The following TPD52L1 variants were observed in gnomAD, a reference collection of about 807,000 sequenced individuals.
TPD52L1 encodes the protein tumor protein D53.
In TPD52L1, 18 loss-of-function variants were observed where a neutral mutation model predicts 28.7. That is an observed-to-expected ratio of 0.63 (90% CI 0.43 to 0.93). TPD52L1 has a LOEUF of 0.93. TPD52L1 is among the 40% of genes least tolerant of loss of function. The pLI is 0.00. For synonymous variants in TPD52L1, 75 were observed against 88.8 expected (o/e 0.84, Z 0.88); for missense variants, 203 against 254.8 (o/e 0.80, Z 1.39).
intron 2 of TPD52L1, among the ~76,000 whole-genome samples, chr6:125,220,853 C>T (rs552363723): frequency 2.0e-3 from 305 of 152,284 alleles, no homozygotes; most frequent in Non-Finnish European, 3.3e-3. Flanking sequence ...TGCTGACAAG[C>T]CTTTACTTTC....
At chr6:125,187,673 T>C (rs1289030827) in intron 1 of TPD52L1, among the ~76,000 whole-genome samples, 1 of 152,186 alleles carries the variant, frequency 6.6e-6, no homozygotes, top group Non-Finnish European at 1.5e-5. Context: ...GTTTATAGAA[T>C]ATGAAATCAT....
intron 3 of TPD52L1, among the ~76,000 whole-genome samples, chr6:125,241,326 C>A (rs1052289840): frequency 3.3e-5 from 5 of 151,996 alleles, no homozygotes; most frequent in Non-Finnish European, 7.4e-5. Flanking sequence ...TTTGGTGATA[C>A]CAGCTTCATA....
At chr6:125,248,855 T>C (rs1046529855) in intron 4 of TPD52L1, among the ~76,000 whole-genome samples, 2 of 152,204 alleles carry the variant, frequency 1.3e-5, no homozygotes, top group Admixed American at 1.3e-4. Context: ...TATACACTTC[T>C]GGTAGTTTTC....
chr6:125,201,891 AGGATTTTTTTCCTG>A (rs1294565905), intron 1 of TPD52L1, among the ~76,000 whole-genome samples: 3 of 152,226 alleles, frequency 2.0e-5, no homozygotes, highest in African/African-American at 7.2e-5. Context: ...AGAAGGAAAA[AGGATTTTTTTCCTG>A]GGCATTGTCA....
intron 6 of TPD52L1, among the ~76,000 whole-genome samples, chr6:125,259,639 T>G (rs553767952): frequency 6.6e-6 from 1 of 152,202 alleles, no homozygotes; most frequent in Non-Finnish European, 1.5e-5. Context: ...TTTGCATCCA[T>G]GTCAAGCAGA....
intron 3 of TPD52L1, among the ~76,000 whole-genome samples, chr6:125,240,561 T>A (rs775689814): frequency 9.2e-5 from 14 of 152,150 alleles, no homozygotes; most frequent in Non-Finnish European, 2.1e-4. Context: ...TATTCCTAAG[T>A]ATTTTATTTT....
intron 6 of TPD52L1, chr6:125,262,618 G>A (rs1798124536): frequency 5.7e-6 from 3 of 527,616 alleles, no homozygotes; most frequent in Non-Finnish European, 9.7e-6. Context: ...TGCTAAAAGT[G>A]TGCAAAATTA....
intron 1 of TPD52L1, among the ~76,000 whole-genome samples, chr6:125,192,954 A>G (rs879424557): frequency 1.3e-5 from 2 of 152,248 alleles, no homozygotes; most frequent in Non-Finnish European, 2.9e-5. Flanking sequence ...GATAATAATC[A>G]TTGCTAACAT....
intron 3 of TPD52L1, among the ~76,000 whole-genome samples, chr6:125,236,912 C>T (rs75464970): frequency 0.015 from 2,290 of 152,282 alleles, 69 homozygotes; most frequent in African/African-American, 0.052. Context: ...CTTTTACAGT[C>T]TTCTCAAGGG....
intron 1 of TPD52L1, chr6:125,154,270 C>T: frequency 1.7e-6 from 2 of 1,207,298 alleles, no homozygotes; most frequent in Non-Finnish European, 2.1e-6. Context: ...TTCCCAACCT[C>T]GCGGCTGCCC....
At chr6:125,247,189 A>G (rs1045116758) in intron 3 of TPD52L1, among the ~76,000 whole-genome samples, 1 of 152,144 alleles carries the variant, frequency 6.6e-6, no homozygotes, top group African/African-American at 2.4e-5. Flanking sequence ...TACAGATACC[A>G]TATGCATGCA....
chr6:125,216,529 GTATATATATATATATATA>G (rs56135453), intron 1 of TPD52L1, among the ~76,000 whole-genome samples: 10 of 69,066 alleles, frequency 1.4e-4, no homozygotes, highest in Non-Finnish European at 2.2e-4. Context: ...GTATGTGTGT[GTATATATATATATATATA>G]TATATATATA....
At chr6:125,257,292 T>G (rs765183749) in intron 6 of TPD52L1, 134 bp downstream of exon 6, 7 of 626,106 alleles carry the variant, frequency 1.1e-5, no homozygotes, top group Non-Finnish European at 1.9e-5. Context: ...CTTTCACATA[T>G]AAATCTATGA....
At position 125,248,265 on chromosome 6, in the gene TPD52L1, TTC is replaced by T; in HGVS notation, c.285-15_285-14del. The stretch of plus-strand genomic sequence containing the variant: ...AGATCATGATATAAAAACCATGTTG[TTC>T]TGTTTTATTTCTAGCTACAAGAAAA... On this transcript the variant is annotated splice_polypyrimidine_tract_variant and intron_variant, in intron 3 of 6. Transcript: ENST00000534000. 6.3e-7 allele frequency: 1 copy of T among 1,597,802 alleles called. No homozygotes were observed.
intron 1 of TPD52L1, among the ~76,000 whole-genome samples, chr6:125,165,877 A>G (rs1041766039): frequency 2.0e-5 from 3 of 152,152 alleles, no homozygotes; most frequent in African/African-American, 7.2e-5. Flanking sequence ...CAGTTCAAAT[A>G]TGGAATGGTT....
chr6:125,179,668 G>A (rs754978150), intron 1 of TPD52L1, among the ~76,000 whole-genome samples: 1 of 152,156 alleles, frequency 6.6e-6, no homozygotes, highest in Non-Finnish European at 1.5e-5. Flanking sequence ...ATATTCAGGT[G>A]TAAGTTCTTT....
chr6:125,214,585 TTTTTCTG>T (rs1794734109), intron 1 of TPD52L1: 1 of 262,638 alleles, frequency 3.8e-6, no homozygotes, highest in African/African-American at 2.3e-5. Context: ...AAAAAAAACT[TTTTTCTG>T]CATATCTCTT....
At chr6:125,177,553 A>G (rs1259039029) in intron 1 of TPD52L1, among the ~76,000 whole-genome samples, 1 of 152,198 alleles carries the variant, frequency 6.6e-6, no homozygotes, top group Non-Finnish European at 1.5e-5. Flanking sequence ...AAAACCAGAA[A>G]AAGAACTGAG....
At chr6:125,222,549 C>G (rs1376485342) in intron 2 of TPD52L1, among the ~76,000 whole-genome samples, 2 of 152,192 alleles carry the variant, frequency 1.3e-5, no homozygotes, top group Non-Finnish European at 2.9e-5. Context: ...GTCCAGCCTC[C>G]TCTTTGTTTC....
Sources: allele counts gnomAD v4.1 joint callset (sites outside exome capture counted in the v4.1 genomes callset), GRCh38; gene constraint gnomAD v4.1.1; transcripts MANE v1.5; gene names NCBI Gene and HGNC (gene_info 2026-07-23, HGNC 2026-07-21).